ROR1: variants seen among roughly 807,000 people sequenced by gnomAD.
ROR1 encodes the protein ROR family WNT receptor 1.
A neutral mutation model predicts 78.8 loss-of-function variants in ROR1; 19 were observed. The ratio of observed to expected loss-of-function variants is 0.24; its 90% CI spans 0.17 to 0.35. The LOEUF is 0.35. Among genes scored for constraint, ROR1 ranks in the 10% least tolerant of loss-of-function variants. ROR1 has a pLI of 1.00. For synonymous variants in ROR1, 386 were observed against 433.6 expected (o/e 0.89, Z 1.36); for missense variants, 917 against 1,177.8 (o/e 0.78, Z 3.24).
intron 2 of ROR1, among the ~76,000 whole-genome samples, chr1:64,045,019 T>C (rs1646773247): frequency 6.6e-6 from 1 of 152,220 alleles, no homozygotes; most frequent in African/African-American, 2.4e-5. Flanking sequence ...CAAAATCGTA[T>C]GTAGGTAGAA....
intron 1 of ROR1, among the ~76,000 whole-genome samples, chr1:63,958,973 G>T (rs2100482005): frequency 6.6e-6 from 1 of 152,230 alleles, no homozygotes; most frequent in East Asian, 1.9e-4. Flanking sequence ...TGTTAGTAAA[G>T]AATAAGGGAA....
At chr1:64,024,571 T>A (rs1370843424) in intron 2 of ROR1, among the ~76,000 whole-genome samples, 5 of 152,200 alleles carry the variant, frequency 3.3e-5, no homozygotes, top group Non-Finnish European at 7.3e-5. Context: ...TATCACCTAT[T>A]GTTGAAAAGT....
chr1:64,123,869 C>T (rs1198703827), intron 4 of ROR1, among the ~76,000 whole-genome samples: 3 of 152,030 alleles, frequency 2.0e-5, no homozygotes, highest in African/African-American at 7.2e-5. Flanking sequence ...AAAATAATTC[C>T]ACTTATTGTT....
chr1:63,806,057 T>C (rs760812291), intron 1 of ROR1, among the ~76,000 whole-genome samples: 5 of 152,192 alleles, frequency 3.3e-5, no homozygotes, highest in Admixed American at 6.5e-5. Context: ...GTATAAGACA[T>C]ATTTTATTGC....
chr1:63,795,474 C>T (rs1644754819), intron 1 of ROR1, among the ~76,000 whole-genome samples: 2 of 152,200 alleles, frequency 1.3e-5, no homozygotes, highest in African/African-American at 4.8e-5. Flanking sequence ...ACTTGTGACT[C>T]TAGGTGCTGG....
chr1:63,898,954 A>C (rs553224137), intron 1 of ROR1, among the ~76,000 whole-genome samples: 1 of 152,190 alleles, frequency 6.6e-6, no homozygotes, highest in Non-Finnish European at 1.5e-5. Context: ...TGAAGTTAAT[A>C]AATCTCCTGG....
intron 1 of ROR1, among the ~76,000 whole-genome samples, chr1:63,995,568 A>T (rs1646330115): frequency 6.6e-6 from 1 of 152,172 alleles, no homozygotes; most frequent in Non-Finnish European, 1.5e-5. Flanking sequence ...TGGTCAGCTT[A>T]TTTAGTGGAA....
intron 1 of ROR1, among the ~76,000 whole-genome samples, chr1:63,918,912 C>T (rs542434538): frequency 2.0e-5 from 3 of 152,266 alleles, no homozygotes; most frequent in Non-Finnish European, 4.4e-5. Flanking sequence ...TGAGGAAATA[C>T]CTTTAACCAT....
At chr1:63,902,930 C>T (rs1478080448) in intron 1 of ROR1, among the ~76,000 whole-genome samples, 4 of 152,166 alleles carry the variant, frequency 2.6e-5, no homozygotes, top group Admixed American at 6.5e-5. Flanking sequence ...TTCTGCCTCA[C>T]GTCCATGTTC....
At chr1:63,862,571 T>C (rs1475462432) in intron 1 of ROR1, among the ~76,000 whole-genome samples, 1 of 152,084 alleles carries the variant, frequency 6.6e-6, no homozygotes, top group Non-Finnish European at 1.5e-5. Flanking sequence ...AAGCAGAATT[T>C]TGAGTAAAGA....
chr1:63,802,982 A>G (rs769281708), intron 1 of ROR1, among the ~76,000 whole-genome samples: 1 of 152,236 alleles, frequency 6.6e-6, no homozygotes, highest in African/African-American at 2.4e-5. Context: ...CTTTATAAAA[A>G]TTCTTCTTGT....
chr1:63,860,552 C>G (rs1254243764), intron 1 of ROR1, among the ~76,000 whole-genome samples: 1 of 131,030 alleles, frequency 7.6e-6, no homozygotes, highest in African/African-American at 2.8e-5. Flanking sequence ...AACCCCATCT[C>G]TACTAAAAAT....
intron 1 of ROR1, among the ~76,000 whole-genome samples, chr1:63,935,050 G>T (rs1645783686): frequency 6.7e-6 from 1 of 149,826 alleles, no homozygotes. Flanking sequence ...TTGGGTAGAG[G>T]GGAGAATGAT....
At chr1:64,029,381 C>T (rs1196991210) in intron 2 of ROR1, among the ~76,000 whole-genome samples, 1 of 152,182 alleles carries the variant, frequency 6.6e-6, no homozygotes, top group African/African-American at 2.4e-5. Context: ...TATTCTACCC[C>T]ATTGGTCAAT....
intron 4 of ROR1, among the ~76,000 whole-genome samples, chr1:64,118,004 C>T (rs1008013542): frequency 1.4e-4 from 22 of 152,184 alleles, no homozygotes; most frequent in African/African-American, 5.1e-4. Context: ...GATTTGAGAC[C>T]AGCCTGGGCA....
At chr1:63,902,322 AC>A (rs1645491668) in intron 1 of ROR1, among the ~76,000 whole-genome samples, 2 of 150,090 alleles carry the variant, frequency 1.3e-5, no homozygotes, top group Non-Finnish European at 3.0e-5. Flanking sequence ...ACAATAACAG[AC>A]CTTTTTTTTT....
chr1:64,002,978 T>C (rs1217793906), intron 1 of ROR1, among the ~76,000 whole-genome samples: 1 of 152,152 alleles, frequency 6.6e-6, no homozygotes, highest in Non-Finnish European at 1.5e-5. Flanking sequence ...ATGCTCTGGC[T>C]TTGCCCTCAG....
chr1:64,050,104 T>A, intron 3 of ROR1, 126 bp downstream of exon 3: 1 of 1,072,466 alleles, frequency 9.3e-7, no homozygotes, highest in Non-Finnish European at 1.3e-6. Context: ...CCCACAACCC[T>A]AAACCTGGTA....
chr1:63,894,962 C>G (rs573490026), intron 1 of ROR1, among the ~76,000 whole-genome samples: 2 of 152,176 alleles, frequency 1.3e-5, no homozygotes, highest in Non-Finnish European at 2.9e-5. Context: ...CATGTTTTCT[C>G]TCAGTCTAGA....
Sources: gnomAD v4.1 joint callset for allele counts (sites outside exome capture counted in the v4.1 genomes callset) on GRCh38, gnomAD v4.1.1 for gene constraint, MANE v1.5 for transcripts, NCBI Gene and HGNC (gene_info 2026-07-23, HGNC 2026-07-21) for gene names.